The following GRAMD2A variants were observed in gnomAD, a reference collection of about 807,000 sequenced individuals.
GRAMD2A encodes the protein GRAM domain containing 2A, also known as GRAM domain-containing protein 2A.
Under a neutral mutation model 51.1 loss-of-function variants are expected in GRAMD2A, and 37 were observed. The observed-to-expected ratio is 0.72, with a 90% CI of 0.56 to 0.95. The LOEUF is 0.95. Ranked by LOEUF, GRAMD2A falls within the 40% of genes least tolerant of loss-of-function variation. The pLI is 0.00. For missense variants in GRAMD2A, 414 were observed against 426.9 expected, an observed-to-expected ratio of 0.97 and a Z score of 0.27; for synonymous variants, 136 against 157.1, an observed-to-expected ratio of 0.87 and a Z score of 1.01.
intron 1 of GRAMD2A, among the ~76,000 whole-genome samples, chr15:72,186,695 G>A (rs1222466208): frequency 2.0e-5 from 3 of 152,098 alleles, no homozygotes; most frequent in Non-Finnish European, 4.4e-5. Flanking sequence ...GGACAAAAAT[G>A]TATATTCGTA....
At position 72,194,415 on chromosome 15, in the gene GRAMD2A, C is replaced by A. The variant is rs916830651; in HGVS notation, c.41+3316G>T. Among the ~76,000 whole-genome samples the A allele has an allele frequency of 6.6e-5, 10 of 152,148 alleles. No homozygotes were observed. In the East Asian group the frequency reaches 1.9e-3, roughly 29 times the overall value. ...GACGGGGAATAAGTTTTATTTTATT[C>A]TTTCTCCTAAGCTTATGATTTTAGT... On this transcript the variant is annotated intron_variant, in intron 1 of 11. Transcript: ENST00000309731.
intron 1 of GRAMD2A, among the ~76,000 whole-genome samples, chr15:72,193,169 A>G (rs1441491945): frequency 6.6e-6 from 1 of 151,846 alleles, no homozygotes; most frequent in Non-Finnish European, 1.5e-5. Context: ...ATAAATAAAG[A>G]TTGGTTCAGT....
In GRAMD2A at chr15:72,163,604, C is replaced by T. The variant is rs762851736; in HGVS notation, c.745+9G>A. The T allele has an allele frequency of 2.3e-5, 36 of 1,594,710 alleles. 1 individual carries two copies. In the South Asian group the frequency reaches 3.1e-4, roughly 14 times the overall value. ...AGTAGTTGCCATGGACAAGCCCTCC[C>T]GAACTTACCAGACATTGGAGGCTTC... is the stretch of plus-strand genomic sequence containing the variant. On this transcript the variant is annotated intron_variant, in intron 9 of 11. Coordinates refer to ENST00000309731, the MANE Select transcript of GRAMD2A (RefSeq NM_001012642.3).
rs753694174 is a variant in GRAMD2A, at chr15:72,168,471, T to G, written c.268+20A>C. 3.7e-6 allele frequency: 6 copies of G among 1,601,770 alleles called. No homozygotes were observed. The highest frequency in any genetic ancestry group is 5.1e-6 in the Non-Finnish European group (6 of 1,169,144). ...CAGGCACTCTGGGTGCCTAACCAGC[T>G]ATACCGGGAGACAGCTCACCTTTGA... On this transcript the variant is annotated intron_variant, in intron 4 of 11. Coordinates refer to ENST00000309731, the MANE Select transcript of GRAMD2A (RefSeq NM_001012642.3).
chr15:72,168,803 C>A, intron 3 of GRAMD2A, 136 bp downstream of exon 3: 1 of 822,664 alleles, frequency 1.2e-6, no homozygotes, highest in Non-Finnish European at 2.1e-6. Flanking sequence ...CTACTCCCAC[C>A]CAGGAAGGGA....
In GRAMD2A at chr15:72,168,454, C is replaced by A. The variant is rs773705119; in HGVS notation, c.268+37G>T. 1.9e-6 allele frequency: 3 copies of A among 1,543,188 alleles called. No homozygotes were observed. In the Admixed American group the frequency reaches 5.0e-5, roughly 26 times the overall value. ...GCAGAGGCCCCTGGCCCCAGGCACT[C>A]TGGGTGCCTAACCAGCTATACCGGG... On this transcript the variant is annotated intron_variant, in intron 4 of 11. Coordinates refer to ENST00000309731, the MANE Select transcript of GRAMD2A (RefSeq NM_001012642.3).
chr15:72,162,451 G>C, intron 10 of GRAMD2A, 74 bp from the exon 11 acceptor site: 4 of 1,109,546 alleles, frequency 3.6e-6, no homozygotes, highest in Non-Finnish European at 5.4e-6. Flanking sequence ...ACCGGAAATA[G>C]TGGGGACCAA....
intron 2 of GRAMD2A, chr15:72,169,424 G>T: frequency 1.2e-5 from 6 of 505,742 alleles, no homozygotes; most frequent in South Asian, 9.3e-5. Context: ...CACAGCGCCG[G>T]GGCCTGGCCA....
chr15:72,186,485 C>A (rs1285859324), intron 1 of GRAMD2A, among the ~76,000 whole-genome samples: 1 of 151,982 alleles, frequency 6.6e-6, no homozygotes, highest in Non-Finnish European at 1.5e-5. Context: ...CCACCACGCC[C>A]GGATAATTTT....
chr15:72,175,759 C>T (rs1308721419), intron 1 of GRAMD2A: 2 of 152,310 alleles, frequency 1.3e-5, no homozygotes, highest in Non-Finnish European at 2.9e-5. Context: ...CCAGTTGACT[C>T]TGAGCTCCAG....
At chr15:72,178,823 C>T (rs527538406) in intron 1 of GRAMD2A, among the ~76,000 whole-genome samples, 128 of 152,164 alleles carry the variant, frequency 8.4e-4, no homozygotes, top group Non-Finnish European at 1.3e-3. Flanking sequence ...ATCCGCCCGC[C>T]TCGGCCTCCC....
chr15:72,163,500 A>AT (rs2081504516), intron 9 of GRAMD2A, 24 bp from the exon 10 acceptor site: 1 of 1,609,330 alleles, frequency 6.2e-7, no homozygotes, highest in Non-Finnish European at 8.5e-7. Context: ...GAGAAAAAAA[A>AT]AATCAGCTCT....
intron 1 of GRAMD2A, among the ~76,000 whole-genome samples, chr15:72,186,485 C>T (rs1285859324): frequency 2.6e-5 from 4 of 151,982 alleles, no homozygotes; most frequent in Non-Finnish European, 5.9e-5. Flanking sequence ...CCACCACGCC[C>T]GGATAATTTT....
At chr15:72,179,887 C>T (rs2081683926) in intron 1 of GRAMD2A, among the ~76,000 whole-genome samples, 2 of 152,194 alleles carry the variant, frequency 1.3e-5, no homozygotes, top group Non-Finnish European at 2.9e-5. Flanking sequence ...CATACATGTC[C>T]TCCATGCCTG....
rs79848896 is a variant in GRAMD2A at position 72,162,622 on chromosome 15, G to T, written c.957-245C>A. The T allele has an allele frequency of 6.2e-3, 2,465 of 395,190 alleles. 13 individuals carry two copies. The highest frequency in any genetic ancestry group is 0.011 in the Middle Eastern group (14 of 1,320). 24.5% of individuals were successfully genotyped at this position (395,190 alleles called of 1,614,324 possible). A position where few individuals can be genotyped will look rare whatever the true frequency, so the allele number is the denominator to read the frequency against. On this transcript the variant is annotated intron_variant, in intron 10 of 11. Coordinates refer to ENST00000309731, the MANE Select transcript of GRAMD2A (RefSeq NM_001012642.3). ...GCTCTGGGCCCTTCAGCTGAGCTCT[G>T]GGGGGAGCTCTGGCCAGACAGCCAG... is the stretch of plus-strand genomic sequence containing the variant.
intron 1 of GRAMD2A, among the ~76,000 whole-genome samples, chr15:72,197,393 G>C (rs778779773): frequency 4.6e-5 from 7 of 152,218 alleles, no homozygotes; most frequent in Non-Finnish European, 1.0e-4. Context: ...AGGATGAACA[G>C]AGTGGCGAGG....
intron 1 of GRAMD2A, among the ~76,000 whole-genome samples, chr15:72,179,356 T>A (rs925652058): frequency 6.6e-6 from 1 of 152,100 alleles, no homozygotes; most frequent in Admixed American, 6.5e-5. Context: ...TCCTAAGGAA[T>A]CCTAACTGGG....
At chr15:72,175,019 G>A (rs577690410) in intron 1 of GRAMD2A, among the ~76,000 whole-genome samples, 45 of 152,030 alleles carry the variant, frequency 3.0e-4, no homozygotes, top group Non-Finnish European at 5.6e-4. Flanking sequence ...CCATCTAGAC[G>A]TGTCCATGCA....
intron 1 of GRAMD2A, among the ~76,000 whole-genome samples, chr15:72,177,831 G>T (rs768319499): frequency 6.6e-6 from 1 of 152,220 alleles, no homozygotes; most frequent in Non-Finnish European, 1.5e-5. Context: ...AGGTTCAAGA[G>T]ATTCTCATGT....
Sources: allele counts gnomAD v4.1 joint callset (sites outside exome capture counted in the v4.1 genomes callset), GRCh38; gene constraint gnomAD v4.1.1; transcripts MANE v1.5; gene names NCBI Gene and HGNC (gene_info 2026-07-23, HGNC 2026-07-21).